STAG1: variants seen among roughly 807,000 people sequenced by gnomAD.
The protein encoded by STAG1 is STAG1 cohesin complex component, also known as cohesin subunit SA-1.
In STAG1, 26 loss-of-function variants were observed where a neutral mutation model predicts 170.9. The ratio of observed to expected loss-of-function variants is 0.15; its 90% CI spans 0.11 to 0.21. STAG1 has a LOEUF of 0.21. Among genes scored for constraint, STAG1 ranks in the 10% least tolerant of loss-of-function variants. The pLI, the probability that STAG1 is intolerant of heterozygous loss-of-function variation, is 1.00. For synonymous variants in STAG1, 514 were observed against 497.7 expected (o/e 1.03, Z -0.44); for missense variants, 964 against 1,509.5 (o/e 0.64, Z 5.99).
intron 1 of STAG1, among the ~76,000 whole-genome samples, chr3:136,715,605 C>T (rs1943520142): frequency 6.6e-6 from 1 of 151,284 alleles, no homozygotes; most frequent in Non-Finnish European, 1.5e-5. Context: ...GGTGACAGAA[C>T]AAGACTCCAT....
At chr3:136,708,060 G>T (rs1226339467) in intron 1 of STAG1, among the ~76,000 whole-genome samples, 1 of 152,170 alleles carries the variant, frequency 6.6e-6, no homozygotes, top group Non-Finnish European at 1.5e-5. Flanking sequence ...AATGTAAAAT[G>T]ATGCCAGCCA....
chr3:136,464,821 T>G (rs1248183045), intron 13 of STAG1, 60 bp downstream of exon 13: 2 of 1,430,986 alleles, frequency 1.4e-6, no homozygotes, highest in South Asian at 1.3e-5. Context: ...CTACAAACTC[T>G]AAAACAACAA....
chr3:136,576,967 G>A (rs1937487763), intron 4 of STAG1, among the ~76,000 whole-genome samples: 1 of 152,204 alleles, frequency 6.6e-6, no homozygotes, highest in Admixed American at 6.5e-5. Context: ...TAAAGATAGA[G>A]CTTAGCTCCT....
At chr3:136,540,238 A>C (rs573931743) in intron 6 of STAG1, among the ~76,000 whole-genome samples, 1 of 152,244 alleles carries the variant, frequency 6.6e-6, no homozygotes, top group Admixed American at 6.5e-5. Context: ...ACAGAAGATA[A>C]AATGGATAGC....
At chr3:136,384,758 A>G (rs2086823935) in intron 22 of STAG1, among the ~76,000 whole-genome samples, 1 of 151,220 alleles carries the variant, frequency 6.6e-6, no homozygotes, top group South Asian at 2.1e-4. Context: ...ACAGAGTGAG[A>G]CTCCATTTCA....
intron 1 of STAG1, among the ~76,000 whole-genome samples, chr3:136,671,869 T>C (rs773511296): frequency 3.3e-5 from 5 of 151,862 alleles, no homozygotes; most frequent in Non-Finnish European, 7.4e-5. Flanking sequence ...AATGAGACCA[T>C]TACCTTGAAG....
At chr3:136,590,213 G>A (rs969656749) in intron 4 of STAG1, among the ~76,000 whole-genome samples, 5 of 151,602 alleles carry the variant, frequency 3.3e-5, no homozygotes, top group Admixed American at 2.0e-4. Context: ...GGCTGGGCAC[G>A]GTGGCTCACG....
At chr3:136,669,476 C>T (rs1332007614) in intron 1 of STAG1, among the ~76,000 whole-genome samples, 1 of 152,152 alleles carries the variant, frequency 6.6e-6, no homozygotes, top group Non-Finnish European at 1.5e-5. Flanking sequence ...AGCTCAGCCT[C>T]CCAAGTAGCT....
chr3:136,381,457 G>C (rs1016588383), intron 22 of STAG1, among the ~76,000 whole-genome samples: 9 of 151,866 alleles, frequency 5.9e-5, no homozygotes, highest in Admixed American at 5.9e-4. Flanking sequence ...AGAGATTAGA[G>C]ATAAGTATTA....
chr3:136,476,969 A>G (rs1300847669), intron 10 of STAG1, among the ~76,000 whole-genome samples: 1 of 152,176 alleles, frequency 6.6e-6, no homozygotes, highest in African/African-American at 2.4e-5. Context: ...GTTTTTATAT[A>G]TTAAGAAAAA....
intron 1 of STAG1, among the ~76,000 whole-genome samples, chr3:136,716,495 T>C (rs1943545246): frequency 6.6e-6 from 1 of 152,032 alleles, no homozygotes; most frequent in South Asian, 2.1e-4. Context: ...AAGAACTACA[T>C]TCCTGCCAGG....
At chr3:136,646,549 T>C (rs1387737857) in intron 1 of STAG1, among the ~76,000 whole-genome samples, 2 of 152,194 alleles carry the variant, frequency 1.3e-5, no homozygotes, top group African/African-American at 4.8e-5. Flanking sequence ...ATAGATTTTT[T>C]AAAGGATATA....
chr3:136,629,711 A>C (rs1422485159), intron 2 of STAG1, among the ~76,000 whole-genome samples: 1 of 152,182 alleles, frequency 6.6e-6, no homozygotes, highest in Non-Finnish European at 1.5e-5. Context: ...CTCTCTTGAA[A>C]ATAAGGTATG....
Position 136,421,133 on chromosome 3 carries a change from T to C in STAG1, c.2068A>G (p.Asn690Asp). The change falls in exon 20 of 34, where the codon AAT becomes GAT. Residue 690 changes from asparagine (N) to aspartate (D), a missense_variant. By Grantham distance (23) the Asn-to-Asp change is conservative. Coordinates refer to ENST00000383202, the MANE Select transcript of STAG1 (RefSeq NM_005862.3). ...GEEADDDDIY[N>D]VLSTLKRLTS... The stretch of plus-strand genomic sequence containing the variant: ...AACCGCTTTAATGTAGAAAGAACAT[T>C]GTAAATGTCATCATCATCAGCTTCT... 1 of 1,607,832 alleles carries C rather than the reference T, an allele frequency of 6.2e-7. No individual in the cohort carries two copies. The highest frequency in any genetic ancestry group is 8.5e-7 in the Non-Finnish European group (1 of 1,177,308).
intron 25 of STAG1, among the ~76,000 whole-genome samples, chr3:136,363,948 G>A (rs1335380408): frequency 6.6e-6 from 1 of 151,948 alleles, no homozygotes; most frequent in Non-Finnish European, 1.5e-5. Context: ...TTGTAGAGAT[G>A]GGGTTTTTGC....
chr3:136,734,284 G>T (rs952918566), intron 1 of STAG1, among the ~76,000 whole-genome samples: 1 of 152,090 alleles, frequency 6.6e-6, no homozygotes, highest in African/African-American at 2.4e-5. Context: ...CATGATAAAA[G>T]AGAGAGGCAG....
At position 136,417,870 on chromosome 3, in the gene STAG1, C is replaced by A; in HGVS notation, c.2196+15G>T. Reference sequence around the variant, plus strand: ...TTTCTAGAGTCATACAGAAGGAATACCAATAAACTCCTACCTGTTCTGGCA... The same window carrying A: ...TTTCTAGAGTCATACAGAAGGAATAACAATAAACTCCTACCTGTTCTGGCA... On this transcript the variant is annotated intron_variant, in intron 21 of 33. Transcript: ENST00000383202. 2 of 1,598,806 alleles carry A rather than the reference C, an allele frequency of 1.3e-6. No homozygotes were observed. The highest frequency in any genetic ancestry group is 1.7e-6 in the Non-Finnish European group (2 of 1,166,166).
chr3:136,365,764 A>T (rs892043842), intron 25 of STAG1, among the ~76,000 whole-genome samples: 11 of 152,144 alleles, frequency 7.2e-5, no homozygotes, highest in African/African-American at 2.7e-4. Context: ...TTGCTAACAG[A>T]TCATGACATT....
At chr3:136,559,124 C>CCTATCTGTCTATCTAT (rs1936737036) in intron 5 of STAG1, among the ~76,000 whole-genome samples, 1 of 143,984 alleles carries the variant, frequency 6.9e-6, no homozygotes, top group African/African-American at 2.5e-5. Context: ...CACTGAACTA[C>CCTATCTGTCTATCTAT]CTATCTATCT....
Sources: gnomAD v4.1 joint callset for allele counts (sites outside exome capture counted in the v4.1 genomes callset) on GRCh38, gnomAD v4.1.1 for gene constraint, MANE v1.5 for transcripts, NCBI Gene and HGNC (gene_info 2026-07-23, HGNC 2026-07-21) for gene names.